ERGIC1: variants seen among roughly 807,000 people sequenced by gnomAD.
The protein encoded by ERGIC1 is endoplasmic reticulum-Golgi intermediate compartment protein 1.
In ERGIC1, 19 loss-of-function variants were observed where a neutral mutation model predicts 38.3. The observed-to-expected ratio is 0.50, with a 90% CI of 0.35 to 0.73. The LOEUF is 0.73. Among genes scored for constraint, ERGIC1 ranks in the 30% least tolerant of loss-of-function variants. The pLI, the probability that ERGIC1 is intolerant of heterozygous loss-of-function variation, is 0.01. For synonymous variants in ERGIC1, 124 were observed against 157.6 expected (o/e 0.79, Z 1.60); for missense variants, 294 against 389.2 (o/e 0.76, Z 2.06).
At chr5:172,949,437 A>G (rs1017186586) in intron 9 of ERGIC1, among the ~76,000 whole-genome samples, 2 of 152,314 alleles carry the variant, frequency 1.3e-5, no homozygotes, top group East Asian at 1.9e-4. Context: ...GGTGGTAGGC[A>G]TGGAGCACTG....
chr5:172,937,389 G>A (rs986454233), intron 9 of ERGIC1: 1 of 152,274 alleles, frequency 6.6e-6, no homozygotes, highest in Non-Finnish European at 1.5e-5. Context: ...ATTCAGGCCA[G>A]ACGTGGTAGC....
At chr5:172,943,697 T>C (rs1489540026) in intron 9 of ERGIC1, among the ~76,000 whole-genome samples, 1 of 152,126 alleles carries the variant, frequency 6.6e-6, no homozygotes, top group African/African-American at 2.4e-5. Context: ...GCCACAGAGC[T>C]GGGATTGGAC....
In ERGIC1 at chr5:172,923,990, A is replaced by G; in HGVS notation, c.376-15A>G. The G allele has an allele frequency of 1.2e-6, 2 of 1,613,392 alleles. No homozygotes were observed. Among genetic ancestry groups the G allele is most frequent in the East Asian group, 2.2e-5 (1 of 44,856 alleles). ...GAAGTCAACCAAACTCCTGAAACTC[A>G]CATTTCTCCCCCAGGTCCCCGGCAA... is the stretch of plus-strand genomic sequence containing the variant. On this transcript the variant is annotated splice_polypyrimidine_tract_variant and intron_variant, in intron 5 of 9. Transcript: ENST00000393784.
intron 1 of ERGIC1, among the ~76,000 whole-genome samples, chr5:172,851,314 G>A (rs766043169): frequency 4.0e-5 from 6 of 151,662 alleles, no homozygotes; most frequent in Non-Finnish European, 7.4e-5. Flanking sequence ...TTCAAGACCA[G>A]CCTGACCAAT....
chr5:172,947,989 G>A (rs905977534), intron 9 of ERGIC1, among the ~76,000 whole-genome samples: 1 of 151,894 alleles, frequency 6.6e-6, no homozygotes, highest in Non-Finnish European at 1.5e-5. Context: ...AAAGCGTTTT[G>A]TGGTATAAAA....
At chr5:172,902,656 C>T (rs1002288847) in intron 3 of ERGIC1, among the ~76,000 whole-genome samples, 40 of 152,262 alleles carry the variant, frequency 2.6e-4, no homozygotes, top group African/African-American at 9.1e-4. Context: ...GTATTTTAGA[C>T]ATCCACCTGG....
chr5:172,922,595 A>T (rs763581395), intron 5 of ERGIC1: 2 of 152,602 alleles, frequency 1.3e-5, no homozygotes, highest in Admixed American at 6.5e-5. Flanking sequence ...GGGTGCAGGC[A>T]CAAAGGCCTA....
chr5:172,923,700 G>A lies in ERGIC1; in HGVS notation c.376-305G>A, dbSNP rs1763584054. On this transcript the variant is annotated intron_variant, in intron 5 of 9. Transcript: ENST00000393784. ...CCCAGAATCCACAGAGCTGGAGGGG[G>A]AGCAGCTGCCATGAGTCCTGGCTTT... Among the ~76,000 whole-genome samples, 2 of 152,230 alleles carry A rather than the reference G, an allele frequency of 1.3e-5. 1 individual carries two copies. The highest frequency in any genetic ancestry group is 2.9e-5 in the Non-Finnish European group (2 of 68,034).
intron 1 of ERGIC1, among the ~76,000 whole-genome samples, chr5:172,840,589 CGGT>C (rs1561697014): frequency 2.0e-5 from 3 of 152,144 alleles, no homozygotes. Flanking sequence ...GGTCGGGTGG[CGGT>C]GGAGAGCCTT....
intron 1 of ERGIC1, among the ~76,000 whole-genome samples, chr5:172,866,644 G>A (rs1373966951): frequency 6.6e-6 from 1 of 152,226 alleles, no homozygotes; most frequent in African/African-American, 2.4e-5. Flanking sequence ...GACAGCCTGA[G>A]AAACTGAAGC....
At chr5:172,847,515 TTTGTTG>T (rs1324688376) in intron 1 of ERGIC1, among the ~76,000 whole-genome samples, 2 of 152,168 alleles carry the variant, frequency 1.3e-5, no homozygotes, top group South Asian at 2.1e-4. Context: ...ATATATATTT[TTTGTTG>T]TTGTTGTTGT....
intron 5 of ERGIC1, among the ~76,000 whole-genome samples, chr5:172,919,530 G>A (rs536739242): frequency 1.3e-5 from 2 of 152,334 alleles, no homozygotes; most frequent in South Asian, 4.1e-4. Flanking sequence ...AGCCAGCTCT[G>A]GGTGAACTTG....
At chr5:172,946,231 C>G (rs570903291) in intron 9 of ERGIC1, among the ~76,000 whole-genome samples, 42 of 152,346 alleles carry the variant, frequency 2.8e-4, no homozygotes, top group Middle Eastern at 3.4e-3. Flanking sequence ...CCTCGCTCCT[C>G]TGTGTGAACA....
chr5:172,915,719 A>C (rs1763348224), intron 5 of ERGIC1: 2 of 451,212 alleles, frequency 4.4e-6, no homozygotes, highest in Non-Finnish European at 9.4e-6. Flanking sequence ...AGAGAGGTTA[A>C]GTGTCTTGCC....
intron 9 of ERGIC1, among the ~76,000 whole-genome samples, chr5:172,939,083 A>C (rs1241615722): frequency 6.6e-6 from 1 of 152,178 alleles, no homozygotes; most frequent in Non-Finnish European, 1.5e-5. Context: ...AGAAAAAAGA[A>C]ATCACTTGGC....
chr5:172,897,434 A>AT (rs1296292686), intron 3 of ERGIC1, among the ~76,000 whole-genome samples: 1 of 137,796 alleles, frequency 7.3e-6, no homozygotes, highest in East Asian at 2.1e-4. Flanking sequence ...GTTTCAAAAA[A>AT]AAAAAAAAAA....
At chr5:172,916,261 T>C (rs1202705169) in intron 5 of ERGIC1, 2 of 152,288 alleles carry the variant, frequency 1.3e-5, no homozygotes, top group Non-Finnish European at 2.9e-5. Context: ...TGTTGTGGGT[T>C]AAAGGGAGTC....
In ERGIC1 at chr5:172,837,605, T is replaced by TGATATGCCA. The variant is rs1409408620; in HGVS notation, c.20+3174_20+3182dup. Among the ~76,000 whole-genome samples the TGATATGCCA allele has an allele frequency of 6.6e-6, 1 of 152,190 alleles. No individual in the cohort carries two copies. Among genetic ancestry groups the TGATATGCCA allele is most frequent in the East Asian group, 1.9e-4 (1 of 5,194 alleles). ...AGGAAGCCATAGACATGACGTGACT[T>TGATATGCCA]GATATGCCAGCTTCAGTGGGCAGAT... On this transcript the variant is annotated intron_variant, in intron 1 of 9. Coordinates refer to ENST00000393784, the MANE Select transcript of ERGIC1 (RefSeq NM_001031711.3). The surrounding 1 kb of genome is among the most constrained non-coding windows in gnomAD (Gnocchi z 4.3).
intron 1 of ERGIC1, among the ~76,000 whole-genome samples, chr5:172,857,926 G>A (rs903696590): frequency 3.3e-5 from 5 of 151,732 alleles, no homozygotes; most frequent in Non-Finnish European, 4.4e-5. Context: ...ATTTATACTG[G>A]TCACTGTGCC....
Sources: gnomAD v4.1 joint callset for allele counts (sites outside exome capture counted in the v4.1 genomes callset) on GRCh38, gnomAD v4.1.1 for gene constraint, Gnocchi (gnomAD v3.1) non-coding constraint, MANE v1.5 for transcripts, NCBI Gene and HGNC (gene_info 2026-07-23, HGNC 2026-07-21) for gene names.